Variants in FOCAD observed in about 807,000 individuals in gnomAD.
FOCAD encodes the protein KIAA1797.
A neutral mutation model predicts 225.6 loss-of-function variants in FOCAD; 198 were observed. The observed-to-expected ratio is 0.88, with a 90% confidence interval of 0.78 to 0.99. The LOEUF (loss-of-function observed/expected upper bound fraction) is 0.99. FOCAD is among the 50% of genes least tolerant of loss of function. FOCAD has a pLI of 0.00. For missense variants in FOCAD, 2,713 were observed against 2,123.6 expected (o/e 1.28, Z -5.46); for synonymous variants, 897 against 755.0 (o/e 1.19, Z -3.08).
At chr9:20,864,359 T>G (rs1829048857) in intron 16 of FOCAD, among the ~76,000 whole-genome samples, 1 of 152,108 alleles carries the variant, frequency 6.6e-6, no homozygotes, top group Admixed American at 6.6e-5. Context: ...GTGGTCTGTA[T>G]GCTGCACTCC....
intron 4 of FOCAD, among the ~76,000 whole-genome samples, chr9:20,723,315 C>G (rs546305290): frequency 5.3e-5 from 8 of 152,328 alleles, no homozygotes; most frequent in African/African-American, 1.9e-4. Flanking sequence ...TGGTGAAACC[C>G]TGTCTCTACT....
chr9:20,807,004 A>G lies in FOCAD; in HGVS notation c.1456-12792A>G, dbSNP rs184806724. Among the ~76,000 whole-genome samples the G allele has an allele frequency of 2.3e-3, 346 of 152,346 alleles. 3 individuals carry two copies. In the Middle Eastern group the frequency reaches 0.034, roughly 15 times the overall value. ...TCAAAATATATTAAGAGATTCTGTT[A>G]TAATTCTACAAGTATGTTTTCCTGT... On this transcript the variant is annotated intron_variant, in intron 11 of 43. Coordinates refer to ENST00000338382, the MANE Select transcript of FOCAD (RefSeq NM_001375567.1).
chr9:20,778,553 G>T (rs534798626), intron 8 of FOCAD, 128 bp from the exon 9 acceptor site: 225 of 574,120 alleles, frequency 3.9e-4, no homozygotes, highest in South Asian at 1.5e-3. Context: ...CACACTTGCT[G>T]TATAAATAAA....
chr9:20,670,050 G>A (rs1234640574), intron 2 of FOCAD, among the ~76,000 whole-genome samples: 1 of 152,270 alleles, frequency 6.6e-6, no homozygotes, highest in Middle Eastern at 3.4e-3. Context: ...GGCAGCATGG[G>A]TTTATTATGC....
chr9:20,988,402 A>T lies in FOCAD; in HGVS notation c.4977A>T (p.Thr1659=). ...TTAGAAATGTTGCTTACCAGTCAAC[A>T]TCCTTTCACAATACGGCTCTTGACA... The part of the protein sequence containing the change: ...GYIRNVAYQS[T]SFHNTALDKA... The change falls in exon 41 of 44, where the codon ACA becomes ACT. Residue 1659 remains threonine, a synonymous_variant. Transcript: ENST00000338382. The T allele has an allele frequency of 6.2e-7, 1 of 1,608,592 alleles. No homozygotes were observed. Among genetic ancestry groups the T allele is most frequent in the Non-Finnish European group, 8.5e-7 (1 of 1,175,812 alleles).
intron 11 of FOCAD, among the ~76,000 whole-genome samples, chr9:20,792,590 T>A (rs1820646263): frequency 6.6e-6 from 1 of 152,230 alleles, no homozygotes; most frequent in African/African-American, 2.4e-5. Context: ...TGTTTTGCTT[T>A]TCTTTTACTT....
intron 35 of FOCAD, among the ~76,000 whole-genome samples, chr9:20,962,719 C>G (rs1367525838): frequency 6.6e-6 from 1 of 152,124 alleles, no homozygotes; most frequent in Non-Finnish European, 1.5e-5. Flanking sequence ...TATCAGGGTT[C>G]TTTGAGGCTG....
chr9:20,807,712 T>C (rs1822609100), intron 11 of FOCAD, among the ~76,000 whole-genome samples: 1 of 152,186 alleles, frequency 6.6e-6, no homozygotes, highest in Non-Finnish European at 1.5e-5. Flanking sequence ...GTAGTACAAA[T>C]TCCCAATGCT....
intron 11 of FOCAD, among the ~76,000 whole-genome samples, chr9:20,808,095 C>G (rs1219284817): frequency 6.6e-6 from 1 of 151,874 alleles, no homozygotes; most frequent in African/African-American, 2.4e-5. Context: ...TTTTACTTAG[C>G]TGGAAATAGT....
chr9:20,813,749 C>T (rs940880687), intron 11 of FOCAD, among the ~76,000 whole-genome samples: 7 of 152,102 alleles, frequency 4.6e-5, no homozygotes, highest in African/African-American at 1.4e-4. Context: ...ACCATTTGGT[C>T]TACAGTGTTG....
upstream of FOCAD, among the ~76,000 whole-genome samples, chr9:20,682,856 C>T (rs1161446534): frequency 1.3e-5 from 2 of 152,138 alleles, no homozygotes; most frequent in African/African-American, 4.8e-5. Flanking sequence ...CTGCAACCTC[C>T]GCCTCCCGGG....
chr9:20,949,861 T>TG (rs1206453922), intron 33 of FOCAD, among the ~76,000 whole-genome samples, 186 bp downstream of exon 33: 1 of 152,118 alleles, frequency 6.6e-6, no homozygotes, highest in Non-Finnish European at 1.5e-5. Context: ...GCACTACCTT[T>TG]GGGAAAAAAA....
At chr9:20,810,494 C>G (rs537299383) in intron 11 of FOCAD, among the ~76,000 whole-genome samples, 1 of 152,010 alleles carries the variant, frequency 6.6e-6, no homozygotes, top group Non-Finnish European at 1.5e-5. Flanking sequence ...TTAGAGCTCA[C>G]GTGGCAGAAA....
intron 28 of FOCAD, among the ~76,000 whole-genome samples, chr9:20,942,526 G>T (rs1023309432): frequency 6.6e-6 from 1 of 152,162 alleles, no homozygotes. Flanking sequence ...TGCATGATAC[G>T]TTCAGTGAAT....
At chr9:20,658,128 T>C (rs34321389), upstream of FOCAD, among the ~76,000 whole-genome samples, 10,974 of 150,836 alleles carry the variant, frequency 0.073, 466 homozygotes, top group East Asian at 0.14. Context: ...GGAGGCAGTC[T>C]GCCCGTTCTC....
intron 35 of FOCAD, among the ~76,000 whole-genome samples, chr9:20,972,072 T>A (rs1839815738): frequency 6.6e-6 from 1 of 152,172 alleles, no homozygotes; most frequent in Non-Finnish European, 1.5e-5. Flanking sequence ...TTGCAAGATC[T>A]CTTCATGATC....
intron 22 of FOCAD, among the ~76,000 whole-genome samples, chr9:20,909,131 C>T (rs1003839443): frequency 2.6e-5 from 4 of 151,946 alleles, no homozygotes; most frequent in African/African-American, 7.2e-5. Context: ...AGATGACTTG[C>T]AATTGATTAA....
Position 20,946,698 on chromosome 9 carries a change from C to G in FOCAD, c.3556-3C>G. 3 of 1,606,966 alleles carry G rather than the reference C, an allele frequency of 1.9e-6. No homozygotes were observed. The highest frequency in any genetic ancestry group is 2.5e-6 in the Non-Finnish European group (3 of 1,177,428). Reference sequence around the variant, plus strand: ...ATATTTTTCTGCTGTATTTTCTTCTCAGGTCCTTGCCTACACACTTAGCTG... The same window carrying G: ...ATATTTTTCTGCTGTATTTTCTTCTGAGGTCCTTGCCTACACACTTAGCTG... On this transcript the variant is annotated splice_polypyrimidine_tract_variant and splice_region_variant and intron_variant, in intron 29 of 43. Coordinates refer to ENST00000338382, the MANE Select transcript of FOCAD (RefSeq NM_001375567.1).
rs181743655 is a variant in FOCAD, at chr9:20,863,936, T to C, written c.2055+1224T>C. Reference sequence around the variant, plus strand: ...CTTATCCATGGTTGTGAATTATCTTTTGGACCAGATTTTTTTTTCTTCCAG... The same window carrying C: ...CTTATCCATGGTTGTGAATTATCTTCTGGACCAGATTTTTTTTTCTTCCAG... On this transcript the variant is annotated intron_variant, in intron 16 of 43. Transcript: ENST00000338382. Among the ~76,000 whole-genome samples the C allele has an allele frequency of 2.4e-3, 359 of 152,248 alleles. 1 individual carries two copies. The highest frequency in any genetic ancestry group is 3.9e-3 in the Non-Finnish European group (262 of 67,974).
Sources: gnomAD v4.1 joint callset for allele counts (sites outside exome capture counted in the v4.1 genomes callset) on GRCh38, gnomAD v4.1.1 for gene constraint, MANE v1.5 for transcripts, NCBI Gene and HGNC (gene_info 2026-07-23, HGNC 2026-07-21) for gene names.